Variants in CDH7 observed in about 807,000 individuals in gnomAD.
The protein encoded by CDH7 is cadherin-7.
Under a neutral mutation model 71.8 loss-of-function variants are expected in CDH7, and 25 were observed. That is an observed-to-expected ratio of 0.35 (90% CI 0.25 to 0.49). The LOEUF (loss-of-function observed/expected upper bound fraction) is 0.49, where lower values mean the gene tolerates loss of function less well. Among genes scored for constraint, CDH7 ranks in the 20% least tolerant of loss-of-function variants. The pLI, the probability that CDH7 is intolerant of heterozygous loss-of-function variation, is 0.99. For missense variants in CDH7, 862 were observed against 974.6 expected, an observed-to-expected ratio of 0.88 and a Z score of 1.54; for synonymous variants, 381 against 363.8, an observed-to-expected ratio of 1.05 and a Z score of -0.54.
intron 7 of CDH7, among the ~76,000 whole-genome samples, chr18:65,854,009 T>TTTAGA (rs1913256312): frequency 7.2e-6 from 1 of 139,268 alleles, no homozygotes; most frequent in Non-Finnish European, 1.5e-5. Flanking sequence ...ATACACACAA[T>TTTAGA]TTAGAAGGGG....
intron 2 of CDH7, among the ~76,000 whole-genome samples, chr18:65,799,631 T>C (rs1359057870): frequency 6.6e-6 from 1 of 151,668 alleles, no homozygotes; most frequent in Non-Finnish European, 1.5e-5. Context: ...AGCTGAGATC[T>C]CGCCACTGCA....
intron 6 of CDH7, among the ~76,000 whole-genome samples, chr18:65,833,576 A>G (rs1912428103): frequency 6.6e-6 from 1 of 152,148 alleles, no homozygotes; most frequent in African/African-American, 2.4e-5. Context: ...TCTGAACTTC[A>G]GATTATATTT....
rs1199661948 is a variant in CDH7 at position 65,859,750 on chromosome 18, A to G, written c.1537A>G (p.Asn513Asp). ...ISAVDKDEPS[N>D]GHQFYFSLTT... ...TGCTGTGGATAAAGATGAGCCATCC[A>G]ATGGACACCAGTTTTACTTCAGCTT... Residue 513 changes from asparagine to aspartate, a missense_variant, in exon 10 of 12, where the codon AAT (asparagine) becomes GAT (aspartate). By Grantham distance (23) the Asn-to-Asp change is conservative. Coordinates refer to ENST00000397968, the MANE Select transcript of CDH7 (RefSeq NM_004361.5). 1.2e-6 allele frequency: 2 copies of G among 1,612,106 alleles called. No homozygotes were observed. Among genetic ancestry groups the G allele is most frequent in the African/African-American group, 2.7e-5 (2 of 74,996 alleles).
chr18:65,823,263 C>A (rs143733652), intron 5 of CDH7, among the ~76,000 whole-genome samples: 1 of 151,874 alleles, frequency 6.6e-6, no homozygotes, highest in South Asian at 2.1e-4. Context: ...CCAGGTTTAG[C>A]ATTATTTTCT....
At position 65,850,634 on chromosome 18, in the gene CDH7, G is replaced by T. The variant is rs912278732; in HGVS notation, c.1235+6569G>T. On this transcript the variant is annotated intron_variant, in intron 7 of 11. Coordinates refer to ENST00000397968, the MANE Select transcript of CDH7 (RefSeq NM_004361.5). ...TATTATTATTCATATCTTGATATAT[G>T]TGGCCGTCTCTTCTCCAAAACATTC... is the stretch of plus-strand genomic sequence containing the variant. Among the ~76,000 whole-genome samples, 28 of 151,092 alleles carry T rather than the reference G, an allele frequency of 1.9e-4. No homozygotes were observed. In the East Asian group the frequency reaches 4.5e-3, roughly 24 times the overall value.
chr18:65,873,360 G>T (rs1913982026), intron 11 of CDH7, among the ~76,000 whole-genome samples: 1 of 152,134 alleles, frequency 6.6e-6, no homozygotes, highest in African/African-American at 2.4e-5. Context: ...TAGATCAGTT[G>T]TCCAAAATAA....
intron 1 of CDH7, among the ~76,000 whole-genome samples, chr18:65,761,500 T>C (rs1916190506): frequency 6.6e-6 from 1 of 151,096 alleles, no homozygotes; most frequent in Non-Finnish European, 1.5e-5. Flanking sequence ...TCTTTTGGCT[T>C]TATGTTCTCA....
At chr18:65,863,020 C>T in intron 11 of CDH7, 103 bp downstream of exon 11, 1 of 1,256,932 alleles carries the variant, frequency 8.0e-7, no homozygotes, top group East Asian at 2.3e-5. Context: ...TGCAGATATT[C>T]TACTGGATGG....
At chr18:65,823,513 T>C (rs1300291011) in intron 5 of CDH7, among the ~76,000 whole-genome samples, 2 of 151,926 alleles carry the variant, frequency 1.3e-5, no homozygotes, top group Admixed American at 6.6e-5. Flanking sequence ...TATACCATTG[T>C]TATTCATTTT....
rs1156727313 is a variant in CDH7, at chr18:65,778,529, C to CTTTTTT, written c.210+15492_210+15497dup. 1.4e-4 allele frequency among the ~76,000 whole-genome samples: 12 copies of CTTTTTT among 84,340 alleles called. 1 individual carries two copies. Among genetic ancestry groups the CTTTTTT allele is most frequent in the African/African-American group, 3.1e-4 (7 of 22,620 alleles). 55.3% of individuals were successfully genotyped at this position (84,340 alleles called of 152,430 possible). A position where few individuals can be genotyped will look rare whatever the true frequency, so the allele number is the denominator to read the frequency against. On this transcript the variant is annotated intron_variant, in intron 2 of 11. Coordinates refer to ENST00000397968, the MANE Select transcript of CDH7 (RefSeq NM_004361.5). ...AATTTTTTGCCCCAGGCGTCTCACT[C>CTTTTTT]TTTTTTTTTTTTTTTTTTTTACATA...
At chr18:65,811,399 G>A (rs1300575206) in intron 3 of CDH7, among the ~76,000 whole-genome samples, 2 of 152,118 alleles carry the variant, frequency 1.3e-5, no homozygotes, top group Non-Finnish European at 2.9e-5. Flanking sequence ...CAAATGACAA[G>A]GAGACAGAAG....
At chr18:65,756,789 T>A (rs1422867624) in intron 1 of CDH7, among the ~76,000 whole-genome samples, 1 of 152,242 alleles carries the variant, frequency 6.6e-6, no homozygotes, top group Non-Finnish European at 1.5e-5. Flanking sequence ...GTATAGCTGA[T>A]AGTTATATAT....
chr18:65,875,436 A>T (rs1346587281), intron 11 of CDH7, among the ~76,000 whole-genome samples: 1 of 152,216 alleles, frequency 6.6e-6, no homozygotes, highest in East Asian at 1.9e-4. Flanking sequence ...ACATCTGCCA[A>T]AGATCACAGT....
At chr18:65,799,490 A>G (rs1025666516) in intron 2 of CDH7, among the ~76,000 whole-genome samples, 1 of 152,090 alleles carries the variant, frequency 6.6e-6, no homozygotes, top group Non-Finnish European at 1.5e-5. Context: ...ATCCTGGCTA[A>G]AGAGGTGAAA....
rs913090991 is a variant in CDH7, at chr18:65,882,963, C to T, written c.*2069C>T. 11 of 152,042 alleles carry T rather than the reference C, an allele frequency of 7.2e-5. No individual in the cohort carries two copies. Among genetic ancestry groups the T allele is most frequent in the African/African-American group, 2.4e-4 (10 of 41,418 alleles). The allele number at this position is 152,042 out of a possible 1,614,324, so 9.4% of individuals were successfully genotyped here. A position where few individuals can be genotyped will look rare whatever the true frequency, so the allele number is the denominator to read the frequency against. ...ATAGTTTAGTACATTTGGATGATGT[C>T]AAAACTGCTGATTGTTGCACATACC... On this transcript the variant is annotated 3_prime_UTR_variant, in exon 12 of 12. Transcript: ENST00000397968.
intron 6 of CDH7, among the ~76,000 whole-genome samples, chr18:65,825,334 AG>A (rs1467156247): frequency 6.6e-6 from 1 of 151,934 alleles, no homozygotes; most frequent in Non-Finnish European, 1.5e-5. Context: ...GTACAAGAAA[AG>A]CATGAAAAGT....
chr18:65,755,746 CA>C (rs1916010767), intron 1 of CDH7, among the ~76,000 whole-genome samples: 1 of 152,114 alleles, frequency 6.6e-6, no homozygotes, highest in South Asian at 2.1e-4. Flanking sequence ...CTATCCTTTA[CA>C]CAAAGCAGAC....
intron 7 of CDH7, among the ~76,000 whole-genome samples, chr18:65,848,942 G>A (rs970194845): frequency 6.6e-6 from 1 of 151,980 alleles, no homozygotes; most frequent in East Asian, 1.9e-4. Context: ...AACATATTTG[G>A]GGTGTTTGAA....
intron 7 of CDH7, among the ~76,000 whole-genome samples, chr18:65,844,831 A>G (rs2143994215): frequency 6.6e-6 from 1 of 152,166 alleles, no homozygotes; most frequent in Non-Finnish European, 1.5e-5. Context: ...GTTGTATTAT[A>G]TGTCTTATTT....
Sources: gnomAD v4.1 joint callset for allele counts (sites outside exome capture counted in the v4.1 genomes callset) on GRCh38, gnomAD v4.1.1 for gene constraint, MANE v1.5 for transcripts, NCBI Gene and HGNC (gene_info 2026-07-23, HGNC 2026-07-21) for gene names.